The following TTC29 variants were observed in gnomAD, a reference collection of about 807,000 sequenced individuals.
TTC29 encodes the protein tetratricopeptide repeat protein 29.
Under a neutral mutation model 58.1 loss-of-function variants are expected in TTC29, and 49 were observed. That is an observed-to-expected ratio of 0.84 (90% CI 0.67 to 1.07). The LOEUF is 1.07. Ranked by LOEUF, TTC29 falls within the 50% of genes least tolerant of loss-of-function variation. TTC29 has a pLI of 0.00. For missense variants in TTC29, 582 were observed against 555.6 expected, an observed-to-expected ratio of 1.05 and a Z score of -0.48; for synonymous variants, 209 against 196.8, an observed-to-expected ratio of 1.06 and a Z score of -0.52.
chr4:146,738,558 G>T (rs771413211), intron 11 of TTC29, among the ~76,000 whole-genome samples: 2 of 152,022 alleles, frequency 1.3e-5, no homozygotes, highest in Non-Finnish European at 2.9e-5. Flanking sequence ...GTGTCCTGTG[G>T]TCTTATGATA....
At chr4:146,899,074 GC>G (rs1561233377) in intron 6 of TTC29, among the ~76,000 whole-genome samples, 1 of 152,170 alleles carries the variant, frequency 6.6e-6, no homozygotes, top group Admixed American at 6.5e-5. Context: ...TAGTTTGCAT[GC>G]CCCCCAAACC....
intron 11 of TTC29, among the ~76,000 whole-genome samples, chr4:146,779,496 T>A (rs1748405445): frequency 6.6e-6 from 1 of 152,218 alleles, no homozygotes. Flanking sequence ...TTAAATCAGA[T>A]CCATTGGTAA....
intron 11 of TTC29, among the ~76,000 whole-genome samples, chr4:146,713,309 T>TCC (rs70958524): frequency 4.0e-5 from 6 of 151,498 alleles, no homozygotes; most frequent in Non-Finnish European, 8.8e-5. Flanking sequence ...CTCCTCCTCC[T>TCC]TGTTCTATAA....
At chr4:146,779,446 A>C (rs975144207) in intron 11 of TTC29, among the ~76,000 whole-genome samples, 3 of 152,202 alleles carry the variant, frequency 2.0e-5, no homozygotes, top group Admixed American at 6.5e-5. Context: ...CATTCAAGTA[A>C]TATTATAAAT....
chr4:146,887,764 C>T (rs1231174457), intron 6 of TTC29, among the ~76,000 whole-genome samples: 3 of 151,936 alleles, frequency 2.0e-5, no homozygotes, highest in Non-Finnish European at 2.9e-5. Flanking sequence ...TTTTCCTGAC[C>T]CTTAGTGCCA....
At chr4:146,906,503 T>C (rs1369470474) in intron 5 of TTC29, among the ~76,000 whole-genome samples, 2 of 152,188 alleles carry the variant, frequency 1.3e-5, no homozygotes, top group Non-Finnish European at 2.9e-5. Flanking sequence ...AAGATACTAT[T>C]AACACATTTC....
At chr4:146,926,526 G>C (rs1734944556) in intron 4 of TTC29, among the ~76,000 whole-genome samples, 1 of 152,026 alleles carries the variant, frequency 6.6e-6, no homozygotes, top group Non-Finnish European at 1.5e-5. Flanking sequence ...AGGCTGGAGA[G>C]TGCAATGGTG....
intron 11 of TTC29, among the ~76,000 whole-genome samples, chr4:146,750,408 G>C (rs1008729728): frequency 6.6e-6 from 1 of 152,130 alleles, no homozygotes; most frequent in Admixed American, 6.5e-5. Flanking sequence ...TGTACTAGTA[G>C]AGGTAAATGC....
chr4:146,910,707 C>T (rs1023920845), intron 4 of TTC29, among the ~76,000 whole-genome samples: 17 of 152,126 alleles, frequency 1.1e-4, no homozygotes, highest in Admixed American at 9.2e-4. Flanking sequence ...CCAGCTGAAC[C>T]GCAACCTTCC....
intron 4 of TTC29, among the ~76,000 whole-genome samples, chr4:146,925,712 T>C (rs145186281): frequency 6.6e-6 from 1 of 152,112 alleles, no homozygotes; most frequent in Non-Finnish European, 1.5e-5. Context: ...GGATAAAAAA[T>C]TGTTTCAGAC....
chr4:146,857,796 T>G (rs1325648015), intron 8 of TTC29, among the ~76,000 whole-genome samples: 1 of 152,096 alleles, frequency 6.6e-6, no homozygotes, highest in African/African-American at 2.4e-5. Flanking sequence ...AAGAAAGAAA[T>G]AACTCAATTT....
intron 11 of TTC29, among the ~76,000 whole-genome samples, chr4:146,739,816 T>G (rs1355064323): frequency 6.6e-6 from 1 of 152,114 alleles, no homozygotes; most frequent in Non-Finnish European, 1.5e-5. Context: ...GTAGTTGTGG[T>G]GGGGACTGCT....
intron 9 of TTC29, among the ~76,000 whole-genome samples, chr4:146,830,505 C>T (rs181683868): frequency 5.6e-4 from 85 of 152,294 alleles, no homozygotes; most frequent in African/African-American, 2.0e-3. Context: ...CTAGACATGG[C>T]TATCCTCTTC....
intron 11 of TTC29, among the ~76,000 whole-genome samples, chr4:146,737,607 C>T (rs1443672708): frequency 3.2e-5 from 4 of 125,658 alleles, no homozygotes; most frequent in African/African-American, 1.2e-4. Context: ...GGGGGGGCTA[C>T]AAACGGGTCT....
At chr4:146,839,404 T>C (rs1220595757) in intron 8 of TTC29, among the ~76,000 whole-genome samples, 3 of 152,066 alleles carry the variant, frequency 2.0e-5, no homozygotes, top group Non-Finnish European at 4.4e-5. Context: ...TACCTTGATT[T>C]GAGCATTATA....
intron 4 of TTC29, among the ~76,000 whole-genome samples, chr4:146,921,289 T>C (rs1307389550): frequency 6.6e-6 from 1 of 151,260 alleles, no homozygotes; most frequent in Non-Finnish European, 1.5e-5. Flanking sequence ...TATCTAAACA[T>C]TTAGAAAATT....
At chr4:146,901,135 T>G (rs1733120178) in intron 6 of TTC29, among the ~76,000 whole-genome samples, 1 of 152,158 alleles carries the variant, frequency 6.6e-6, no homozygotes, top group African/African-American at 2.4e-5. Flanking sequence ...TACTTTCAAT[T>G]TTATATAAGG....
intron 4 of TTC29, among the ~76,000 whole-genome samples, chr4:146,933,372 A>C (rs1054951867): frequency 2.0e-5 from 3 of 152,234 alleles, no homozygotes; most frequent in African/African-American, 7.2e-5. Flanking sequence ...AAAGCTGTAA[A>C]GTGCCCTCTA....
At chr4:146,714,328 AT>A (rs1742759878) in intron 11 of TTC29, among the ~76,000 whole-genome samples, 1 of 152,186 alleles carries the variant, frequency 6.6e-6, no homozygotes, top group Non-Finnish European at 1.5e-5. Context: ...AAAATAAAAC[AT>A]TAATAAACTT....
Sources: gnomAD v4.1 joint callset for allele counts (sites outside exome capture counted in the v4.1 genomes callset) on GRCh38, gnomAD v4.1.1 for gene constraint, MANE v1.5 for transcripts, NCBI Gene and HGNC (gene_info 2026-07-23, HGNC 2026-07-21) for gene names.